The following CALD1 variants were observed in gnomAD, a reference collection of about 807,000 sequenced individuals.
CALD1 encodes caldesmon 1, also known as caldesmon.
A neutral mutation model predicts 99.9 loss-of-function variants in CALD1; 33 were observed. The ratio of observed to expected loss-of-function variants is 0.33; its 90% CI spans 0.25 to 0.44. The LOEUF is 0.44. Among genes scored for constraint, CALD1 ranks in the 20% least tolerant of loss-of-function variants. The pLI is 1.00. For missense variants in CALD1, 861 were observed against 962.1 expected, an observed-to-expected ratio of 0.89 and a Z score of 1.39; for synonymous variants, 310 against 325.0, an observed-to-expected ratio of 0.95 and a Z score of 0.50.
intron 13 of CALD1, 75 bp downstream of exon 13, chr7:134,960,703 C>A: frequency 1.1e-6 from 1 of 909,560 alleles, no homozygotes; most frequent in Non-Finnish European, 1.8e-6. Flanking sequence ...AGCAGTTGGT[C>A]TGTTTACCTA....
intron 2 of CALD1, among the ~76,000 whole-genome samples, chr7:134,847,998 C>A (rs1404559160): frequency 6.6e-6 from 1 of 152,114 alleles, no homozygotes; most frequent in African/African-American, 2.4e-5. Flanking sequence ...TGCTTCTGAA[C>A]TCTGCTTTAG....
intron 2 of CALD1, among the ~76,000 whole-genome samples, chr7:134,859,402 C>T (rs1388023762): frequency 6.6e-6 from 1 of 152,160 alleles, no homozygotes; most frequent in African/African-American, 2.4e-5. Flanking sequence ...TCTCTAGTGG[C>T]CAATAGAGCA....
At position 134,950,394 on chromosome 7, in the gene CALD1, G is replaced by A. The variant is rs762962461; in HGVS notation, c.1815G>A (p.Lys605=). 1 of 1,614,152 alleles carries A rather than the reference G, an allele frequency of 6.2e-7. No individual in the cohort carries two copies. The highest frequency in any genetic ancestry group is 1.7e-5 in the Admixed American group (1 of 60,026). ...CTTAGGAAGAGAAGAGGAGGCTAAA[G>A]GAAGAGATTGAAAGGCGAAGAGCAG... The part of the protein sequence containing the change: ...LREEEEKRRL[K]EEIERRRAEA... The change falls in exon 9 of 15, where the codon AAG becomes AAA. Residue 605 remains lysine (K), a synonymous_variant. Transcript: ENST00000361675.
chr7:134,825,584 G>A (rs1358284540), intron 1 of CALD1, among the ~76,000 whole-genome samples: 1 of 152,108 alleles, frequency 6.6e-6, no homozygotes, highest in African/African-American at 2.4e-5. Flanking sequence ...CAGAAAAAAT[G>A]TGAAGATTTC....
chr7:134,942,274 T>A (rs1806509488), intron 7 of CALD1, among the ~76,000 whole-genome samples: 2 of 152,200 alleles, frequency 1.3e-5, no homozygotes, highest in Non-Finnish European at 2.9e-5. Context: ...TCTGACATGC[T>A]CCTCACACCA....
At chr7:134,727,339 C>T in the CALD1 span, among the ~76,000 whole-genome samples, 55 of 152,354 alleles carry the variant, frequency 3.6e-4, no homozygotes, top group African/African-American at 1.3e-3. Context: ...CCTCAGGACC[C>T]TCTAGTCACA....
At chr7:134,838,973 CAG>C (rs1799547401) in intron 1 of CALD1, among the ~76,000 whole-genome samples, 1 of 152,052 alleles carries the variant, frequency 6.6e-6, no homozygotes, top group African/African-American at 2.4e-5. Context: ...TATAATTGTA[CAG>C]AGTGATGGAC....
the CALD1 span, among the ~76,000 whole-genome samples, chr7:134,717,795 G>A: frequency 6.6e-6 from 1 of 152,164 alleles, no homozygotes; most frequent in Non-Finnish European, 1.5e-5. Flanking sequence ...TTTTTTGTGT[G>A]TGCCAATTGC....
At chr7:134,796,228 T>C (rs1298809267) in intron 1 of CALD1, among the ~76,000 whole-genome samples, 1 of 152,216 alleles carries the variant, frequency 6.6e-6, no homozygotes, top group African/African-American at 2.4e-5. Flanking sequence ...TGATAATCTG[T>C]GTGACTTTGA....
intron 3 of CALD1, among the ~76,000 whole-genome samples, chr7:134,868,735 G>A (rs1353435269): frequency 1.3e-5 from 2 of 152,158 alleles, no homozygotes; most frequent in African/African-American, 4.8e-5. Context: ...ATGATGAACT[G>A]GGCCAGAGTC....
chr7:134,714,848 G>A, the CALD1 span, among the ~76,000 whole-genome samples: 1 of 152,168 alleles, frequency 6.6e-6, no homozygotes. Flanking sequence ...GCACTGGCAG[G>A]AGTGTCTTAT....
At chr7:134,821,156 G>C (rs1408910710) in intron 1 of CALD1, among the ~76,000 whole-genome samples, 1 of 151,994 alleles carries the variant, frequency 6.6e-6, no homozygotes, top group Non-Finnish European at 1.5e-5. Flanking sequence ...TTTTTAAATA[G>C]AGAAGAAAGA....
Position 134,938,790 on chromosome 7 carries a change from T to C in CALD1, c.1387-2302T>C, listed in dbSNP as rs568300981. On this transcript the variant is annotated intron_variant, in intron 6 of 14. Coordinates refer to ENST00000361675, the MANE Select transcript of CALD1 (RefSeq NM_033138.4). ...AAGAATATAAGCCTGCCATCCACTATAGCCTTTGCCAATAAAGGCAGAGCT... is the reference window on the plus strand; with the variant it reads ...AAGAATATAAGCCTGCCATCCACTACAGCCTTTGCCAATAAAGGCAGAGCT... Among the ~76,000 whole-genome samples, 25 of 152,352 alleles carry C rather than the reference T, an allele frequency of 1.6e-4. 3 individuals carry two copies. In the South Asian group the frequency reaches 4.8e-3, roughly 29 times the overall value.
At chr7:134,842,222 T>C (rs753954557) in intron 1 of CALD1, among the ~76,000 whole-genome samples, 5 of 152,160 alleles carry the variant, frequency 3.3e-5, no homozygotes, top group Non-Finnish European at 7.4e-5. Flanking sequence ...GCATGGTGGG[T>C]CAGGCCCTGG....
At chr7:134,930,282 G>T (rs1805429386) in intron 4 of CALD1, among the ~76,000 whole-genome samples, 1 of 152,120 alleles carries the variant, frequency 6.6e-6, no homozygotes, top group South Asian at 2.1e-4. Flanking sequence ...TTATGCTAAT[G>T]GTTAGTATAT....
At chr7:134,959,813 T>C (rs1375947201) in intron 11 of CALD1, among the ~76,000 whole-genome samples, 161 bp from the exon 12 acceptor site, 1 of 152,246 alleles carries the variant, frequency 6.6e-6, no homozygotes, top group Non-Finnish European at 1.5e-5. Context: ...ACATATGTCA[T>C]CAGCATACAG....
intron 6 of CALD1, among the ~76,000 whole-genome samples, chr7:134,936,950 C>A (rs1030817003): frequency 6.6e-6 from 1 of 152,128 alleles, no homozygotes; most frequent in African/African-American, 2.4e-5. Flanking sequence ...TTGGGAAATA[C>A]TTTTCATTTG....
intron 1 of CALD1, among the ~76,000 whole-genome samples, chr7:134,769,426 CT>C (rs982412880): frequency 2.6e-5 from 4 of 151,772 alleles, no homozygotes; most frequent in East Asian, 1.9e-4. Flanking sequence ...CGTGATTAAA[CT>C]TTTTTTTTCT....
chr7:134,932,845 T>C, intron 4 of CALD1, 143 bp from the exon 5 acceptor site: 2 of 554,302 alleles, frequency 3.6e-6, no homozygotes, highest in Non-Finnish European at 6.4e-6. Context: ...GGCAGGCGTG[T>C]ACTAAAATGG....
Sources: allele counts gnomAD v4.1 joint callset (sites outside exome capture counted in the v4.1 genomes callset), GRCh38; gene constraint gnomAD v4.1.1; transcripts MANE v1.5; gene names NCBI Gene and HGNC (gene_info 2026-07-23, HGNC 2026-07-21).